MYO5A: variants seen among roughly 807,000 people sequenced by gnomAD.
MYO5A encodes the protein unconventional myosin-Va.
In MYO5A, 98 loss-of-function variants were observed where a neutral mutation model predicts 249.7. The observed-to-expected ratio is 0.39, with a 90% CI of 0.33 to 0.46. The LOEUF is 0.46. MYO5A is among the 20% of genes least tolerant of loss of function. MYO5A has a pLI of 0.98. For missense variants in MYO5A, 1,696 were observed against 2,308.8 expected (o/e 0.73, Z 5.44); for synonymous variants, 778 against 810.6 (o/e 0.96, Z 0.68).
chr15:52,339,608 C>T (rs1472973295), intron 32 of MYO5A, among the ~76,000 whole-genome samples: 1 of 151,702 alleles, frequency 6.6e-6, no homozygotes, highest in African/African-American at 2.4e-5. Context: ...AGGAAAAAGA[C>T]AATTTCCTCA....
At chr15:52,375,175 T>G (rs1350432480) in intron 20 of MYO5A, 129 bp downstream of exon 20, 15 of 904,216 alleles carry the variant, frequency 1.7e-5, no homozygotes, top group Non-Finnish European at 2.3e-5. Flanking sequence ...TAAATAAATA[T>G]GCATTTCAAT....
At position 52,435,340 on chromosome 15, in the gene MYO5A, G is replaced by A. The variant is rs140986193; in HGVS notation, c.28-2055C>T. 2.2e-3 allele frequency among the ~76,000 whole-genome samples: 303 copies of A among 140,160 alleles called. 2 individuals are homozygous for A. The highest frequency in any genetic ancestry group is 7.9e-3 in the African/African-American group (295 of 37,516). 92.0% of individuals were successfully genotyped at this position (140,160 alleles called of 152,430 possible). A position where few individuals can be genotyped will look rare whatever the true frequency, so the allele number is the denominator to read the frequency against. ...CACCCAGGCTGGAGTGCAGTGGCACGATCTCGGCTCACTGCAACCTCCGCC... is the reference window on the plus strand; with the variant it reads ...CACCCAGGCTGGAGTGCAGTGGCACAATCTCGGCTCACTGCAACCTCCGCC... On this transcript the variant is annotated intron_variant, in intron 1 of 41. Coordinates refer to ENST00000399233, the MANE Select transcript of MYO5A (RefSeq NM_001382347.1).
chr15:52,393,597 G>A (rs913090328), intron 11 of MYO5A, among the ~76,000 whole-genome samples: 2 of 152,048 alleles, frequency 1.3e-5, no homozygotes, highest in African/African-American at 2.4e-5. Context: ...GTTTCACCGT[G>A]TTAGCCAGGA....
chr15:52,435,265 C>CTTTTT lies in MYO5A; in HGVS notation c.28-1985_28-1981dup, dbSNP rs35456308. ...ACTGTCCTGGATATTACGTTAACCT[C>CTTTTT]TTTTTTTTTTTTTTTTTTTTTGAGA... On this transcript the variant is annotated intron_variant, in intron 1 of 41. Coordinates refer to ENST00000399233, the MANE Select transcript of MYO5A (RefSeq NM_001382347.1). Among the ~76,000 whole-genome samples, 645 of 113,712 alleles carry CTTTTT rather than the reference C, an allele frequency of 5.7e-3. 9 individuals carry two copies. The highest frequency in any genetic ancestry group is 0.011 in the East Asian group (39 of 3,568). The allele number at this position is 113,712 out of a possible 152,430, so 74.6% of individuals were successfully genotyped here. A position where few individuals can be genotyped will look rare whatever the true frequency, so the allele number is the denominator to read the frequency against.
At chr15:52,357,238 T>C (rs1596336904) in intron 25 of MYO5A, among the ~76,000 whole-genome samples, 1 of 152,120 alleles carries the variant, frequency 6.6e-6, no homozygotes, top group African/African-American at 2.4e-5. Flanking sequence ...TGTTTGTTCA[T>C]TTATGAATGA....
chr15:52,377,727 C>A (rs891373880), intron 18 of MYO5A, among the ~76,000 whole-genome samples: 2 of 151,954 alleles, frequency 1.3e-5, no homozygotes, highest in East Asian at 2.0e-4. Flanking sequence ...AACACCACTA[C>A]GTCCAGCTAA....
At chr15:52,321,971 G>A (rs552837795) in intron 37 of MYO5A, among the ~76,000 whole-genome samples, 1 of 152,216 alleles carries the variant, frequency 6.6e-6, no homozygotes, top group South Asian at 2.1e-4. Context: ...AGAGACTAGT[G>A]AATACATACA....
intron 1 of MYO5A, among the ~76,000 whole-genome samples, chr15:52,471,818 C>T (rs1249664189): frequency 6.6e-6 from 1 of 152,028 alleles, no homozygotes; most frequent in East Asian, 1.9e-4. Flanking sequence ...CCCTTCTCAG[C>T]CTCCTGAGTA....
rs1314123283 is a variant in MYO5A, at chr15:52,512,546, A to C, written c.27+16234T>G. Among the ~76,000 whole-genome samples, 5 of 152,164 alleles carry C rather than the reference A, an allele frequency of 3.3e-5. No individual in the cohort carries two copies. The East Asian group carries it at 7.7e-4, about 23-fold the overall frequency. On this transcript the variant is annotated intron_variant, in intron 1 of 41. Transcript: ENST00000399233. ...TATATATATATATAGGGAAAAAGAC[A>C]AGAAGGACATACATCAAAACATTAA...
rs1398067431 is a variant in MYO5A at position 52,311,211 on chromosome 15, C to T, written c.*2485G>A. 1 of 152,318 alleles carries T rather than the reference C, an allele frequency of 6.6e-6. No individual in the cohort carries two copies. Among genetic ancestry groups the T allele is most frequent in the Admixed American group, 6.5e-5 (1 of 15,290 alleles). The allele number at this position is 152,318 out of a possible 1,614,324, so 9.4% of individuals were successfully genotyped here. A position where few individuals can be genotyped will look rare whatever the true frequency, so the allele number is the denominator to read the frequency against. ...ATGGCAGTGACAGCTACAGCATGAC[C>T]TGGAAGACCTGAGAAGATTCAGGGT... is the stretch of plus-strand genomic sequence containing the variant. On this transcript the variant is annotated 3_prime_UTR_variant, in exon 42 of 42. Coordinates refer to ENST00000399233, the MANE Select transcript of MYO5A (RefSeq NM_001382347.1).
intron 9 of MYO5A, among the ~76,000 whole-genome samples, chr15:52,401,996 C>T (rs1457916557): frequency 2.0e-5 from 3 of 152,156 alleles, no homozygotes; most frequent in Non-Finnish European, 4.4e-5. Context: ...CTCCTAGCTC[C>T]TTCTATTTTG....
intron 2 of MYO5A, among the ~76,000 whole-genome samples, chr15:52,429,039 C>G (rs988464692): frequency 6.6e-6 from 1 of 152,042 alleles, no homozygotes; most frequent in Non-Finnish European, 1.5e-5. Context: ...AATGGGCTAA[C>G]AGGGTTGTGG....
At chr15:52,380,953 T>C (rs1234183383) in intron 16 of MYO5A, among the ~76,000 whole-genome samples, 3 of 152,226 alleles carry the variant, frequency 2.0e-5, no homozygotes, top group Non-Finnish European at 2.9e-5. Flanking sequence ...ACGGTTATAT[T>C]TTTTTAAAAA....
intron 21 of MYO5A, 54 bp from the exon 22 acceptor site, chr15:52,370,471 T>G: frequency 6.5e-7 from 1 of 1,542,318 alleles, no homozygotes; most frequent in Non-Finnish European, 9.0e-7. Flanking sequence ...ATCAAATGTA[T>G]TTAGTAAGAA....
intron 9 of MYO5A, among the ~76,000 whole-genome samples, chr15:52,398,437 G>A (rs751787765): frequency 9.2e-5 from 14 of 152,124 alleles, no homozygotes; most frequent in Non-Finnish European, 1.9e-4. Context: ...TGTCTCTGGT[G>A]GATAACTGAG....
At chr15:52,517,564 T>C (rs931530174) in intron 1 of MYO5A, among the ~76,000 whole-genome samples, 4 of 152,102 alleles carry the variant, frequency 2.6e-5, no homozygotes, top group African/African-American at 9.7e-5. Flanking sequence ...CAGGCACTTG[T>C]AATCCCAGCT....
At chr15:52,482,655 T>C (rs1170779167) in intron 1 of MYO5A, among the ~76,000 whole-genome samples, 4 of 152,132 alleles carry the variant, frequency 2.6e-5, no homozygotes, top group Admixed American at 2.6e-4. Context: ...TTTTTTTTTT[T>C]AATAAAAGGT....
chr15:52,367,476 A>G (rs1056387971), intron 22 of MYO5A, among the ~76,000 whole-genome samples: 3 of 151,532 alleles, frequency 2.0e-5, no homozygotes, highest in African/African-American at 4.8e-5. Context: ...TTAAAACATT[A>G]AAGTTTTACT....
intron 1 of MYO5A, chr15:52,437,931 C>A (rs2075701862): frequency 1.5e-6 from 1 of 656,076 alleles, no homozygotes; most frequent in Non-Finnish European, 1.9e-6. Context: ...TATTTAAACA[C>A]TGAACACCAC....
Sources: allele counts gnomAD v4.1 joint callset (sites outside exome capture counted in the v4.1 genomes callset), GRCh38; gene constraint gnomAD v4.1.1; transcripts MANE v1.5; gene names NCBI Gene and HGNC (gene_info 2026-07-23, HGNC 2026-07-21).